CHODL: variants seen among roughly 807,000 people sequenced by gnomAD.
CHODL encodes the protein transmembrane protein MT75.
CHODL carries 29 observed loss-of-function variants against 34.5 expected under a neutral mutation model. The ratio of observed to expected loss-of-function variants is 0.84; its 90% confidence interval spans 0.63 to 1.15. The LOEUF is 1.15. Among genes scored for constraint, CHODL ranks in the 50% most tolerant of loss-of-function variants. The pLI is 0.00. For missense variants in CHODL, 332 were observed against 332.5 expected (o/e 1.00, Z 0.01); for synonymous variants, 125 against 116.1 (o/e 1.08, Z -0.49).
chr21:18,146,457 T>G lies in CHODL; in HGVS notation c.-44-110052T>G, dbSNP rs139287919. Among the ~76,000 whole-genome samples, 21 of 152,214 alleles carry G rather than the reference T, an allele frequency of 1.4e-4. 1 individual carries two copies. In the East Asian group the frequency reaches 4.1e-3, roughly 29 times the overall value. On this transcript the variant is annotated intron_variant, in intron 2 of 6. Coordinates refer to the CHODL transcript ENST00000400127. ...AGGTGGTTCCCCCATGCTGTTCTCA[T>G]GAGAATGAGTGAGTTCTCATGAGAC...
chr21:17,952,472 G>A (rs904240378), intron 1 of CHODL, among the ~76,000 whole-genome samples: 11 of 151,858 alleles, frequency 7.2e-5, no homozygotes, highest in South Asian at 2.1e-4. Context: ...ATTACTTACC[G>A]TTAACCAAAG....
intron 1 of CHODL, among the ~76,000 whole-genome samples, chr21:17,986,142 AT>A (rs940776349): frequency 6.6e-6 from 1 of 151,540 alleles, no homozygotes; most frequent in Non-Finnish European, 1.5e-5. Context: ...TTTTTATTTT[AT>A]TTTTTTCTCT....
intron 1 of CHODL, among the ~76,000 whole-genome samples, chr21:17,969,616 A>G (rs1439361840): frequency 1.3e-5 from 2 of 152,214 alleles, no homozygotes; most frequent in African/African-American, 4.8e-5. Flanking sequence ...GGTAAAAGTT[A>G]GCTATTTAAA....
chr21:17,923,269 C>A (rs2063196466), intron 1 of CHODL, among the ~76,000 whole-genome samples: 1 of 147,402 alleles, frequency 6.8e-6, no homozygotes, highest in Non-Finnish European at 1.5e-5. Context: ...TTGTCTTTTT[C>A]TGCCTCTTTT....
intron 1 of CHODL, among the ~76,000 whole-genome samples, chr21:17,957,003 G>A (rs1428632685): frequency 6.6e-6 from 1 of 151,996 alleles, no homozygotes; most frequent in African/African-American, 2.4e-5. Context: ...ATGTGGGTGG[G>A]CAACCAATCT....
chr21:18,224,425 A>G (rs1358012229), intron 2 of CHODL, among the ~76,000 whole-genome samples: 2 of 152,186 alleles, frequency 1.3e-5, no homozygotes, highest in Non-Finnish European at 2.9e-5. Flanking sequence ...ATTAAATAAG[A>G]TTATCATGTA....
intron 2 of CHODL, among the ~76,000 whole-genome samples, chr21:18,111,520 C>A (rs979485149): frequency 5.3e-5 from 8 of 152,248 alleles, no homozygotes; most frequent in African/African-American, 1.9e-4. Flanking sequence ...TGGACTCAGT[C>A]CAATTATTGC....
chr21:18,059,177 T>C (rs1364198015), intron 2 of CHODL, among the ~76,000 whole-genome samples: 1 of 152,108 alleles, frequency 6.6e-6, no homozygotes, highest in African/African-American at 2.4e-5. Context: ...GCTGTCCCTC[T>C]CTCTCTCTGT....
intron 1 of CHODL, chr21:18,027,766 G>A (rs1042261756): frequency 2.0e-5 from 3 of 152,370 alleles, no homozygotes; most frequent in African/African-American, 7.2e-5. Context: ...TGGGGCTTTT[G>A]GGAGGTAATT....
chr21:17,958,613 G>A (rs934761273), intron 1 of CHODL, among the ~76,000 whole-genome samples: 1 of 152,172 alleles, frequency 6.6e-6, no homozygotes, highest in African/African-American at 2.4e-5. Context: ...AGTGTTGGAA[G>A]CCAGAGGGAT....
At chr21:18,087,881 G>A (rs1223768708) in intron 2 of CHODL, among the ~76,000 whole-genome samples, 1 of 152,108 alleles carries the variant, frequency 6.6e-6, no homozygotes, top group African/African-American at 2.4e-5. Context: ...TCATAGTTTT[G>A]CAGGCTGTAC....
At chr21:18,218,691 G>C (rs1304249460) in intron 2 of CHODL, among the ~76,000 whole-genome samples, 1 of 151,916 alleles carries the variant, frequency 6.6e-6, no homozygotes, top group African/African-American at 2.4e-5. Flanking sequence ...CCAAACTTTT[G>C]TGCTCTGTTT....
chr21:18,089,354 A>T (rs367667306), intron 2 of CHODL, among the ~76,000 whole-genome samples: 1 of 152,104 alleles, frequency 6.6e-6, no homozygotes, highest in East Asian at 1.9e-4. Context: ...GCTTCATAAC[A>T]TTTATGTGTC....
At chr21:17,927,409 C>T (rs1397598463) in intron 1 of CHODL, among the ~76,000 whole-genome samples, 3 of 152,044 alleles carry the variant, frequency 2.0e-5, no homozygotes. Flanking sequence ...TTGCTACGTG[C>T]TGTTCTTATA....
intron 1 of CHODL, among the ~76,000 whole-genome samples, chr21:17,998,709 C>T (rs1260391669): frequency 6.6e-6 from 1 of 152,388 alleles, no homozygotes; most frequent in East Asian, 1.9e-4. Flanking sequence ...CCAAGCTCTA[C>T]GTTGGCCCCT....
intron 2 of CHODL, among the ~76,000 whole-genome samples, chr21:18,200,048 T>G (rs2146706864): frequency 6.6e-6 from 1 of 152,344 alleles, no homozygotes; most frequent in African/African-American, 2.4e-5. Flanking sequence ...GAAAAGTGGC[T>G]GTACCATTTT....
At chr21:18,003,136 C>CAAAA (rs148355768) in intron 1 of CHODL, among the ~76,000 whole-genome samples, 4 of 141,066 alleles carry the variant, frequency 2.8e-5, no homozygotes, top group African/African-American at 1.1e-4. Flanking sequence ...AAAAAAAAAA[C>CAAAA]AAAAAAAAAA....
At chr21:18,020,357 A>G (rs1487756746) in intron 1 of CHODL, among the ~76,000 whole-genome samples, 1 of 152,174 alleles carries the variant, frequency 6.6e-6, no homozygotes, top group African/African-American at 2.4e-5. Flanking sequence ...CTGTAAAATG[A>G]CTGAAAGCTG....
intron 2 of CHODL, among the ~76,000 whole-genome samples, chr21:18,042,790 C>T (rs370519602): frequency 5.9e-5 from 9 of 151,946 alleles, no homozygotes; most frequent in Middle Eastern, 6.8e-3. Context: ...TGCTGGGACA[C>T]GAATATGCAA....
Sources: gnomAD v4.1 joint callset for allele counts (sites outside exome capture counted in the v4.1 genomes callset) on GRCh38, gnomAD v4.1.1 for gene constraint, MANE v1.5 for transcripts, NCBI Gene and HGNC (gene_info 2026-07-23, HGNC 2026-07-21) for gene names.